The following CDKAL1 variants were observed in gnomAD, a reference collection of about 807,000 sequenced individuals.
CDKAL1 encodes the protein threonylcarbamoyladenosine tRNA methylthiotransferase.
In CDKAL1, 32 loss-of-function variants were observed where a neutral mutation model predicts 68.2. That is an observed-to-expected ratio of 0.47 (90% CI 0.35 to 0.63). The LOEUF (loss-of-function observed/expected upper bound fraction) is 0.63. Ranked by LOEUF, CDKAL1 falls within the 30% of genes least tolerant of loss-of-function variation. The probability of loss-of-function intolerance (pLI) is 0.00; values close to 1 mark genes in which losing one functional copy is unlikely to be tolerated. For synonymous variants in CDKAL1, 234 were observed against 244.3 expected (o/e 0.96, Z 0.39); for missense variants, 606 against 696.7 (o/e 0.87, Z 1.47).
chr6:20,607,619 T>A (rs1202570669), intron 4 of CDKAL1, among the ~76,000 whole-genome samples: 1 of 152,176 alleles, frequency 6.6e-6, no homozygotes, highest in Non-Finnish European at 1.5e-5. Context: ...CTCTATTTAT[T>A]TATTTTTGTT....
rs1485843331 is a variant in CDKAL1, at chr6:20,546,475, A to G, written c.125A>G (p.Asn42Ser). 13 of 1,614,050 alleles carry G rather than the reference A, an allele frequency of 8.1e-6. No individual in the cohort carries two copies. The highest frequency in any genetic ancestry group is 1.1e-5 in the Non-Finnish European group (13 of 1,180,022). Residue 42 changes from asparagine (N) to serine (S), a missense_variant, in exon 3 of 16, where the codon AAT becomes AGT. Asn to Ser is a conservative substitution (Grantham distance 46, BLOSUM62 1). Coordinates refer to ENST00000274695, the MANE Select transcript of CDKAL1 (RefSeq NM_017774.3). ...KDVVPKVRRR[N>S]TQKYLQEEEN... Reference sequence around the variant, plus strand: ...GTTGTCCCGAAGGTACGAAGGCGAAATACCCAAAAATATTTGCAAGAGGAA... The same window carrying G: ...GTTGTCCCGAAGGTACGAAGGCGAAGTACCCAAAAATATTTGCAAGAGGAA...
chr6:20,739,919 A>G (rs1773371879), intron 6 of CDKAL1, among the ~76,000 whole-genome samples: 1 of 152,182 alleles, frequency 6.6e-6, no homozygotes, highest in African/African-American at 2.4e-5. Flanking sequence ...CCAAGTCATT[A>G]CAGTTTTTCC....
At chr6:21,050,623 G>T (rs1340986465) in intron 11 of CDKAL1, among the ~76,000 whole-genome samples, 1 of 152,126 alleles carries the variant, frequency 6.6e-6, no homozygotes, top group Non-Finnish European at 1.5e-5. Flanking sequence ...ATGCAAAAAA[G>T]GTTAAAGCAA....
At chr6:21,190,475 C>T (rs973826833) in intron 13 of CDKAL1, among the ~76,000 whole-genome samples, 5 of 151,850 alleles carry the variant, frequency 3.3e-5, no homozygotes, top group African/African-American at 1.2e-4. Flanking sequence ...TCAAGCGATT[C>T]TCCTGCCTCA....
intron 5 of CDKAL1, among the ~76,000 whole-genome samples, chr6:20,716,421 C>G (rs1772096048): frequency 6.6e-6 from 1 of 152,010 alleles, no homozygotes; most frequent in African/African-American, 2.4e-5. Context: ...TGCTGTTGGA[C>G]AGAAAGTACA....
chr6:20,648,708 A>G (rs1403157194), intron 4 of CDKAL1, among the ~76,000 whole-genome samples: 2 of 152,256 alleles, frequency 1.3e-5, no homozygotes, highest in African/African-American at 4.8e-5. Flanking sequence ...GGCAGGTGGA[A>G]TAGTAGCAAC....
chr6:20,950,522 G>C (rs1283987054), intron 9 of CDKAL1, among the ~76,000 whole-genome samples: 2 of 152,170 alleles, frequency 1.3e-5, no homozygotes, highest in Non-Finnish European at 2.9e-5. Flanking sequence ...GGAAGTAAAA[G>C]CTGATTAATT....
intron 9 of CDKAL1, among the ~76,000 whole-genome samples, chr6:20,919,165 T>C (rs976304048): frequency 3.9e-5 from 6 of 152,170 alleles, no homozygotes; most frequent in Non-Finnish European, 7.3e-5. Context: ...ACAGCATCAT[T>C]AGCTCCTATC....
chr6:20,905,251 C>G (rs1300144768), intron 9 of CDKAL1, among the ~76,000 whole-genome samples: 3 of 152,066 alleles, frequency 2.0e-5, no homozygotes, highest in African/African-American at 7.2e-5. Flanking sequence ...AGATAGACAA[C>G]CTATCAAGAA....
chr6:20,955,304 C>T (rs1764724814), intron 9 of CDKAL1, 115 bp from the exon 10 acceptor site: 2 of 1,057,706 alleles, frequency 1.9e-6, no homozygotes, highest in African/African-American at 1.6e-5. Flanking sequence ...CAATTGAATA[C>T]CCAGACTGCC....
chr6:20,625,951 TCCC>T (rs889086965), intron 4 of CDKAL1, among the ~76,000 whole-genome samples: 1 of 152,158 alleles, frequency 6.6e-6, no homozygotes, highest in African/African-American at 2.4e-5. Flanking sequence ...TTTCTTGTGA[TCCC>T]CCCATCCCCA....
At chr6:20,948,616 C>G (rs1032868547) in intron 9 of CDKAL1, among the ~76,000 whole-genome samples, 1 of 152,082 alleles carries the variant, frequency 6.6e-6, no homozygotes, top group Admixed American at 6.6e-5. Context: ...CTTTGTGTAT[C>G]CATAATGTTT....
Position 20,688,295 on chromosome 6 carries a change from G to A in CDKAL1, c.371+38918G>A, listed in dbSNP as rs115898969. 2.7e-3 allele frequency among the ~76,000 whole-genome samples: 413 copies of A among 152,152 alleles called. 3 individuals are homozygous for A. Among genetic ancestry groups the A allele is most frequent in the African/African-American group, 8.4e-3 (349 of 41,534 alleles). On this transcript the variant is annotated intron_variant, in intron 5 of 15. Transcript: ENST00000274695. Reference sequence around the variant, plus strand: ...TGGCATAAAGTTAGGGAAATTTTCAGTGATTACTGCTCTGTATATTTCTGC... The same window carrying A: ...TGGCATAAAGTTAGGGAAATTTTCAATGATTACTGCTCTGTATATTTCTGC...
intron 9 of CDKAL1, among the ~76,000 whole-genome samples, chr6:20,875,124 C>T (rs1315839937): frequency 6.6e-6 from 1 of 151,096 alleles, no homozygotes; most frequent in African/African-American, 2.4e-5. Context: ...AAGGTGAAAC[C>T]CCGTCTCTAC....
chr6:21,029,577 A>G (rs1769153899), intron 11 of CDKAL1, among the ~76,000 whole-genome samples: 1 of 152,164 alleles, frequency 6.6e-6, no homozygotes, highest in South Asian at 2.1e-4. Flanking sequence ...TTTGCAATCT[A>G]CTTATCTGGC....
intron 8 of CDKAL1, among the ~76,000 whole-genome samples, chr6:20,829,314 A>C (rs1777619793): frequency 6.6e-6 from 1 of 152,096 alleles, no homozygotes; most frequent in South Asian, 2.1e-4. Flanking sequence ...TTACATTCCC[A>C]CTGTCTGTGG....
At chr6:20,678,954 G>A (rs2127789058) in intron 5 of CDKAL1, among the ~76,000 whole-genome samples, 1 of 152,256 alleles carries the variant, frequency 6.6e-6, no homozygotes, top group South Asian at 2.1e-4. Flanking sequence ...CTGGAGTGCA[G>A]TGTCATGAGG....
Position 21,231,258 on chromosome 6 carries a change from T to C in CDKAL1, c.*219T>C, listed in dbSNP as rs1021151290. 5 of 384,464 alleles carry C rather than the reference T, an allele frequency of 1.3e-5. No individual in the cohort carries two copies. The highest frequency in any genetic ancestry group is 1.0e-4 in the African/African-American group (5 of 48,614). 23.8% of individuals were successfully genotyped at this position (384,464 alleles called of 1,614,324 possible). A position where few individuals can be genotyped will look rare whatever the true frequency, so the allele number is the denominator to read the frequency against. ...ACCTAATCACCGCTACCATAGCACA[T>C]CCTTCAAATTAAACTGCTTTTGGTT... On this transcript the variant is annotated 3_prime_UTR_variant, in exon 16 of 16. Coordinates refer to ENST00000274695, the MANE Select transcript of CDKAL1 (RefSeq NM_017774.3).
At chr6:21,046,420 G>A (rs1444762649) in intron 11 of CDKAL1, among the ~76,000 whole-genome samples, 3 of 152,240 alleles carry the variant, frequency 2.0e-5, no homozygotes, top group Non-Finnish European at 4.4e-5. Flanking sequence ...GCAGTGGGTA[G>A]TGGGCTCCCT....
Sources: gnomAD v4.1 joint callset for allele counts (sites outside exome capture counted in the v4.1 genomes callset) on GRCh38, gnomAD v4.1.1 for gene constraint, MANE v1.5 for transcripts, NCBI Gene and HGNC (gene_info 2026-07-23, HGNC 2026-07-21) for gene names.